Variants in ADGRG1 observed in about 807,000 individuals in gnomAD.
ADGRG1 encodes the protein 7-transmembrane protein with no EGF-like N-terminal domains-1.
ADGRG1 carries 53 observed loss-of-function variants against 73.5 expected under a neutral mutation model. The observed-to-expected ratio is 0.72, with a 90% CI of 0.58 to 0.91. The LOEUF is 0.91. Among genes scored for constraint, ADGRG1 ranks in the 40% least tolerant of loss-of-function variants. The pLI, the probability that ADGRG1 is intolerant of heterozygous loss-of-function variation, is 0.00. For synonymous variants in ADGRG1, 394 were observed against 374.4 expected, an observed-to-expected ratio of 1.05 and a Z score of -0.60; for missense variants, 795 against 871.8, an observed-to-expected ratio of 0.91 and a Z score of 1.11.
At chr16:57,652,944 G>A (rs2044478581) in intron 3 of ADGRG1, 1 of 1,352,790 alleles carries the variant, frequency 7.4e-7, no homozygotes. Flanking sequence ...GTCTGCGGAG[G>A]GTGCTGAGCA....
In ADGRG1 at chr16:57,663,730, G is replaced by A; in HGVS notation, c.*148G>A. 1.2e-6 allele frequency: 1 copy of A among 860,806 alleles called. No homozygotes were observed. Among genetic ancestry groups the A allele is most frequent in the Admixed American group, 2.1e-5 (1 of 47,966 alleles). The allele number at this position is 860,806 out of a possible 1,614,324, so 53.3% of individuals were successfully genotyped here. A position where few individuals can be genotyped will look rare whatever the true frequency, so the allele number is the denominator to read the frequency against. On this transcript the variant is annotated 3_prime_UTR_variant, in exon 14 of 14. Transcript: ENST00000562631. The stretch of plus-strand genomic sequence containing the variant: ...CATGGAGAGATGGGCCGTTGCCATG[G>A]TGGACGGACTCCCGGGCTGGGCTTT...
intron 5 of ADGRG1, chr16:57,655,075 C>T: frequency 1.0e-6 from 1 of 985,222 alleles, no homozygotes; most frequent in Admixed American, 6.1e-5. Flanking sequence ...GGGAACCACC[C>T]ACACTGCCCA....
At chr16:57,652,717 C>G in intron 3 of ADGRG1, 1 of 1,010,328 alleles carries the variant, frequency 9.9e-7, no homozygotes, top group Non-Finnish European at 1.2e-6. Context: ...CTCCAACCCC[C>G]ACTGTTTGTC....
rs997302345 is a variant in ADGRG1, at chr16:57,630,532, G to A, written c.-36+1730G>A. 17 of 985,378 alleles carry A rather than the reference G, an allele frequency of 1.7e-5. No homozygotes were observed. In the South Asian group the frequency reaches 2.3e-4, roughly 14 times the overall value. The allele number at this position is 985,378 out of a possible 1,614,324, so 61.0% of individuals were successfully genotyped here. A position where few individuals can be genotyped will look rare whatever the true frequency, so the allele number is the denominator to read the frequency against. On this transcript the variant is annotated intron_variant, in intron 1 of 13. Transcript: ENST00000562631. ...TCCCGTAGGCCTGGGGCTTGGCTCC[G>A]AGAGTGTCGGGTGATGGAGAACGCC...
chr16:57,628,544 C>T (rs1464547160), upstream of ADGRG1: 1 of 985,422 alleles, frequency 1.0e-6, no homozygotes, highest in Non-Finnish European at 1.2e-6. Context: ...CCGTCATCCC[C>T]AGTCAAGCTC....
In ADGRG1 at chr16:57,655,427, C is replaced by CGGTGCTCCATGGA; in HGVS notation, c.803_804insCCATGGAGGTGCT (p.Leu269HisfsTer21). The CGGTGCTCCATGGA allele has an allele frequency of 6.2e-7, 1 of 1,613,616 alleles. No homozygotes were observed. The highest frequency in any genetic ancestry group is 1.1e-5 in the South Asian group (1 of 91,066). On this transcript the variant is annotated frameshift_variant, in exon 6 of 14. Transcript: ENST00000562631. LOFTEE classifies it high-confidence loss of function. The stretch of plus-strand genomic sequence containing the variant: ...GAGCAGAGCGAGATCATGGAGTACT[C>CGGTGCTCCATGGA]GGTGCTGCTGCCTCGAACACTCTTC...
upstream of ADGRG1, among the ~76,000 whole-genome samples, chr16:57,620,409 C>G (rs2034546499): frequency 6.6e-6 from 1 of 152,156 alleles, no homozygotes; most frequent in Admixed American, 6.5e-5. Flanking sequence ...GAGGTGTGTT[C>G]CCGGTGTCCA....
upstream of ADGRG1, chr16:57,628,560 G>A (rs2036368744): frequency 1.1e-5 from 11 of 985,448 alleles, no homozygotes; most frequent in Non-Finnish European, 1.3e-5. Context: ...AGCTCAGGGA[G>A]GAGGGAGGAG....
chr16:57,637,345 T>C (rs1300427656), intron 1 of ADGRG1: 22 of 985,158 alleles, frequency 2.2e-5, no homozygotes, highest in African/African-American at 3.5e-5. Flanking sequence ...ATTATTACTA[T>C]GAGTGGGATG....
rs974884440 is a variant in ADGRG1 at position 57,653,022 on chromosome 16, G to A, written c.488-181G>A. 1.9e-5 allele frequency: 28 copies of A among 1,467,054 alleles called. No homozygotes were observed. In the Admixed American group the frequency reaches 2.6e-4, roughly 14 times the overall value. 90.9% of individuals were successfully genotyped at this position (1,467,054 alleles called of 1,614,324 possible). On this transcript the variant is annotated intron_variant, in intron 3 of 13. Transcript: ENST00000562631. ...GGGTTCTGTAAGACACAACCCCCAC[G>A]GGTTGGCCTCATCTGAGTGGCCTTG...
chr16:57,659,227 A>G lies in ADGRG1; in HGVS notation c.1287-186A>G, dbSNP rs578093358. On this transcript the variant is annotated intron_variant, in intron 10 of 13. Transcript: ENST00000562631. ...CTGAGTCTGTGGGTGCTGGGCACAC[A>G]GTAGGTGCACAGGGGGATGTGGGGA... 19 of 985,228 alleles carry G rather than the reference A, an allele frequency of 1.9e-5. No homozygotes were observed. The South Asian group carries it at 7.0e-4, about 37-fold the overall frequency. The allele number at this position is 985,228 out of a possible 1,614,324, so 61.0% of individuals were successfully genotyped here.
chr16:57,653,323 C>A lies in ADGRG1; in HGVS notation c.608C>A (p.Ala203Asp). 6.2e-7 allele frequency: 1 copy of A among 1,608,722 alleles called. No individual in the cohort carries two copies. Reference protein sequence around the residue: ...PQKASRRPSAAPASQQLQSLE... With the variant: ...PQKASRRPSADPASQQLQSLE... ...AAGGCCTCAAGGAGGCCCTCGGCTG[C>A]CCCCGCCAGCCAGTAAGTTTGGCAC... Residue 203 changes from alanine to aspartate, a missense_variant, in exon 4 of 14, where the codon GCC becomes GAC. Physicochemically the swap from Ala to Asp is moderately radical, Grantham distance 126. Coordinates refer to ENST00000562631, the MANE Select transcript of ADGRG1 (RefSeq NM_201525.4).
chr16:57,663,849 G>A lies in ADGRG1; in HGVS notation c.*267G>A. On this transcript the variant is annotated 3_prime_UTR_variant, in exon 14 of 14. Coordinates refer to ENST00000562631, the MANE Select transcript of ADGRG1 (RefSeq NM_201525.4). ...TGCCTAGGGTACTGTCCCCACATCT[G>A]TCCCAACCCAGCTGGAGGCCTGGTC... is the stretch of plus-strand genomic sequence containing the variant. The A allele has an allele frequency of 1.8e-6, 1 of 542,896 alleles. No homozygotes were observed. The highest frequency in any genetic ancestry group is 3.3e-6 in the Non-Finnish European group (1 of 300,368). 33.6% of individuals were successfully genotyped at this position (542,896 alleles called of 1,614,324 possible). A position where few individuals can be genotyped will look rare whatever the true frequency, so the allele number is the denominator to read the frequency against.
intron 1 of ADGRG1, chr16:57,631,884 G>C (rs2038038146): frequency 1.0e-6 from 1 of 967,184 alleles, no homozygotes; most frequent in Admixed American, 6.2e-5. Context: ...CTTAGGTCTG[G>C]ACTGCTGGGT....
Position 57,663,613 on chromosome 16 carries a change from C to A in ADGRG1, c.*31C>A, listed in dbSNP as rs369262264. The A allele has an allele frequency of 1.2e-6, 2 of 1,608,684 alleles. No homozygotes were observed. Among genetic ancestry groups the A allele is most frequent in the Non-Finnish European group, 1.7e-6 (2 of 1,178,836 alleles). ...CAGCCCACCTGCCCATGTGATGAAGCAGAGATTCGGCCTCGTCGCACACTG... is the reference window on the plus strand; with the variant it reads ...CAGCCCACCTGCCCATGTGATGAAGAAGAGATTCGGCCTCGTCGCACACTG... On this transcript the variant is annotated 3_prime_UTR_variant, in exon 14 of 14. Coordinates refer to ENST00000562631, the MANE Select transcript of ADGRG1 (RefSeq NM_201525.4).
At chr16:57,653,912 C>G in intron 4 of ADGRG1, 74 bp from the exon 5 acceptor site, 1 of 1,607,404 alleles carries the variant, frequency 6.2e-7, no homozygotes, top group Non-Finnish European at 8.5e-7. Flanking sequence ...CTGAGTCTCT[C>G]GTCCTCCTGC....
intron 1 of ADGRG1, among the ~76,000 whole-genome samples, chr16:57,632,549 C>G (rs574653525): frequency 6.6e-6 from 1 of 152,332 alleles, no homozygotes; most frequent in South Asian, 2.1e-4. Flanking sequence ...CAGAGATAAC[C>G]TGAAATAACT....
chr16:57,663,393 G>A, intron 13 of ADGRG1, 59 bp from the exon 14 acceptor site: 2 of 1,605,542 alleles, frequency 1.2e-6, no homozygotes, highest in Non-Finnish European at 1.7e-6. Flanking sequence ...TGGGGAGGGA[G>A]GAGGAGGGAT....
chr16:57,660,231 C>G (rs760486698), intron 11 of ADGRG1: 132 of 985,044 alleles, frequency 1.3e-4, no homozygotes, highest in Middle Eastern at 5.2e-4. Context: ...TCCGCATGCC[C>G]CTGACTCCAG....
Sources: allele counts gnomAD v4.1 joint callset (sites outside exome capture counted in the v4.1 genomes callset), GRCh38; gene constraint gnomAD v4.1.1; transcripts MANE v1.5; gene names NCBI Gene and HGNC (gene_info 2026-07-23, HGNC 2026-07-21).